Variants in CFAP20DC observed in about 807,000 individuals in gnomAD.
CFAP20DC encodes the protein protein CFAP20DC.
Under a neutral mutation model 101.7 loss-of-function variants are expected in CFAP20DC, and 84 were observed. The observed-to-expected ratio is 0.83, with a 90% confidence interval of 0.69 to 0.99. The LOEUF is 0.99. Among genes scored for constraint, CFAP20DC ranks in the 50% least tolerant of loss-of-function variants. The pLI is 0.00. For synonymous variants in CFAP20DC, 359 were observed against 351.2 expected (o/e 1.02, Z -0.25); for missense variants, 1,007 against 970.3 (o/e 1.04, Z -0.50).
intron 4 of CFAP20DC, 103 bp downstream of exon 4, chr3:59,039,454 T>C (rs2094159123): frequency 4.4e-6 from 3 of 674,178 alleles, no homozygotes; most frequent in Admixed American, 3.0e-5. Flanking sequence ...CACTGCTCTT[T>C]AATGCAAAAA....
Position 58,987,408 on chromosome 3 carries a change from T to G in CFAP20DC, c.279-49646A>C, listed in dbSNP as rs1050208207. 9.2e-5 allele frequency among the ~76,000 whole-genome samples: 14 copies of G among 152,110 alleles called. No homozygotes were observed. The East Asian group carries it at 2.7e-3, about 29-fold the overall frequency. On this transcript the variant is annotated intron_variant, in intron 4 of 16. Transcript: ENST00000482387. ...AATTGCCTATTAAAAAAAGTAAGAT[T>G]AAGCTTCCTGGGTTAAGCATTCAAC...
intron 4 of CFAP20DC, among the ~76,000 whole-genome samples, chr3:58,961,113 T>C (rs947956532): frequency 5.9e-5 from 9 of 152,254 alleles, no homozygotes; most frequent in Admixed American, 2.0e-4. Context: ...TGGTATATAA[T>C]CATTTTTGTA....
intron 13 of CFAP20DC, among the ~76,000 whole-genome samples, chr3:58,834,208 T>G (rs1464600811): frequency 6.6e-6 from 1 of 152,136 alleles, no homozygotes; most frequent in Admixed American, 6.6e-5. Context: ...AAATTATATT[T>G]CAATTTAAAA....
chr3:58,769,580 TA>T (rs2070653084), intron 15 of CFAP20DC, among the ~76,000 whole-genome samples: 1 of 152,086 alleles, frequency 6.6e-6, no homozygotes, highest in South Asian at 2.1e-4. Context: ...GAAGAACTTG[TA>T]AGGAGAAGGT....
At chr3:59,045,045 C>A (rs1362923913) in intron 3 of CFAP20DC, among the ~76,000 whole-genome samples, 1 of 151,546 alleles carries the variant, frequency 6.6e-6, no homozygotes, top group Non-Finnish European at 1.5e-5. Context: ...AAAGCATAAT[C>A]TTTAAGTGGC....
At chr3:58,784,321 T>C (rs1398059214) in intron 15 of CFAP20DC, among the ~76,000 whole-genome samples, 3 of 151,944 alleles carry the variant, frequency 2.0e-5, no homozygotes, top group African/African-American at 4.8e-5. Context: ...CCATGATACA[T>C]ATACATCATG....
Position 58,725,482 on chromosome 3 carries a change from G to C in CFAP20DC, c.198-7854C>G, listed in dbSNP as rs371236144. Among the ~76,000 whole-genome samples, 14 of 152,302 alleles carry C rather than the reference G, an allele frequency of 9.2e-5. No individual in the cohort carries two copies. In the East Asian group the frequency reaches 2.5e-3, roughly 27 times the overall value. On this transcript the variant is annotated intron_variant, in intron 3 of 3. Coordinates refer to the CFAP20DC transcript ENST00000486145. The stretch of plus-strand genomic sequence containing the variant: ...GTGACTAGTCACTGGGTCAGTAACA[G>C]TCTGACTGTAACCAACACGACGGGT...
intron 13 of CFAP20DC, 102 bp downstream of exon 13, chr3:58,848,930 C>A: frequency 7.5e-7 from 1 of 1,340,254 alleles, no homozygotes; most frequent in Non-Finnish European, 9.9e-7. Context: ...CACTCATCAC[C>A]CAAATGATGA....
intron 6 of CFAP20DC, among the ~76,000 whole-genome samples, chr3:58,886,323 T>A (rs1014992924): frequency 6.6e-6 from 1 of 152,100 alleles, no homozygotes; most frequent in African/African-American, 2.4e-5. Context: ...CACAATAAAT[T>A]GAATTTATGA....
intron 4 of CFAP20DC, among the ~76,000 whole-genome samples, chr3:58,981,477 C>T (rs1202419416): frequency 6.6e-6 from 1 of 152,144 alleles, no homozygotes; most frequent in Non-Finnish European, 1.5e-5. Flanking sequence ...CTACAGTAAC[C>T]AAAACAGCAT....
At chr3:58,929,230 A>C (rs548521024) in intron 5 of CFAP20DC, among the ~76,000 whole-genome samples, 3 of 152,322 alleles carry the variant, frequency 2.0e-5, no homozygotes, top group East Asian at 1.9e-4. Context: ...CTGGATTTTC[A>C]TGAATGTGCA....
chr3:58,903,025 T>C (rs1367315925), intron 6 of CFAP20DC, among the ~76,000 whole-genome samples: 1 of 152,176 alleles, frequency 6.6e-6, no homozygotes, highest in Non-Finnish European at 1.5e-5. Flanking sequence ...GTTTTCTCTC[T>C]ATATATTCAT....
At chr3:58,759,378 T>C (rs559548730) in intron 15 of CFAP20DC, among the ~76,000 whole-genome samples, 85 of 152,230 alleles carry the variant, frequency 5.6e-4, no homozygotes, top group Non-Finnish European at 1.0e-3. Flanking sequence ...CACTTGTTGA[T>C]GGGGTTGTTT....
Position 58,799,761 on chromosome 3 carries a change from G to C in CFAP20DC, c.2237+6634C>G, listed in dbSNP as rs964916128. On this transcript the variant is annotated intron_variant, in intron 15 of 16. Transcript: ENST00000482387. This position sits in a 1 kb window ranked among gnomAD's most constrained non-coding sequence, Gnocchi z 4.9. ...TGTGTGTGTGTGTGTGTGTGTGTGT[G>C]TGTGTGTAGAAAACAGACAAACAAG... Among the ~76,000 whole-genome samples, 2 of 148,150 alleles carry C rather than the reference G, an allele frequency of 1.3e-5. No individual in the cohort carries two copies. The highest frequency in any genetic ancestry group is 5.0e-5 in the African/African-American group (2 of 39,878).
chr3:59,016,906 T>C (rs1263611313), intron 4 of CFAP20DC, among the ~76,000 whole-genome samples: 1 of 152,108 alleles, frequency 6.6e-6, no homozygotes, highest in African/African-American at 2.4e-5. Context: ...AGTTAGCATC[T>C]TAGCAAGAAT....
chr3:58,886,695 GA>G (rs2081657691), intron 6 of CFAP20DC, among the ~76,000 whole-genome samples: 1 of 151,758 alleles, frequency 6.6e-6, no homozygotes, highest in Non-Finnish European at 1.5e-5. Context: ...CTGGGAGATG[GA>G]GAAAGACCCT....
intron 5 of CFAP20DC, among the ~76,000 whole-genome samples, chr3:58,915,209 G>A (rs1178613712): frequency 6.6e-6 from 1 of 152,062 alleles, no homozygotes; most frequent in Non-Finnish European, 1.5e-5. Flanking sequence ...AGACTAGTTT[G>A]GTCCCTGTCA....
chr3:58,782,002 T>A (rs2071875232), intron 15 of CFAP20DC, among the ~76,000 whole-genome samples: 1 of 152,078 alleles, frequency 6.6e-6, no homozygotes, highest in Admixed American at 6.6e-5. Context: ...ATATCCGTGA[T>A]GAATATAGAT....
intron 6 of CFAP20DC, among the ~76,000 whole-genome samples, chr3:58,895,070 T>C (rs914808436): frequency 6.6e-6 from 1 of 152,226 alleles, no homozygotes; most frequent in Admixed American, 6.5e-5. Context: ...AACCATTTTT[T>C]CCTTCTAGGC....
Sources: allele counts gnomAD v4.1 joint callset (sites outside exome capture counted in the v4.1 genomes callset), GRCh38; gene constraint gnomAD v4.1.1; non-coding constraint Gnocchi (gnomAD v3.1); transcripts MANE v1.5; gene names NCBI Gene and HGNC (gene_info 2026-07-23, HGNC 2026-07-21).